The following NEGR1 variants were observed in gnomAD, a reference collection of about 807,000 sequenced individuals.
NEGR1 encodes IgLON family member 4.
A neutral mutation model predicts 40.9 loss-of-function variants in NEGR1; 10 were observed. The ratio of observed to expected loss-of-function variants is 0.24; its 90% CI spans 0.15 to 0.42. The LOEUF (loss-of-function observed/expected upper bound fraction) is 0.42, where lower values mean the gene tolerates loss of function less well. Among genes scored for constraint, NEGR1 ranks in the 10% least tolerant of loss-of-function variants. The pLI, the probability that NEGR1 is intolerant of heterozygous loss-of-function variation, is 1.00. For missense variants in NEGR1, 352 were observed against 438.9 expected (o/e 0.80, Z 1.77); for synonymous variants, 185 against 166.8 (o/e 1.11, Z -0.84).
chr1:72,168,278 A>G (rs1381533945), intron 1 of NEGR1, among the ~76,000 whole-genome samples: 1 of 152,120 alleles, frequency 6.6e-6, no homozygotes, highest in African/African-American at 2.4e-5. Flanking sequence ...TGCTGGGATT[A>G]TAGGCATGAA....
In NEGR1 at chr1:71,527,971, C is replaced by T. The variant is rs188969883; in HGVS notation, c.940+64846G>A. On this transcript the variant is annotated intron_variant, in intron 6 of 6. Transcript: ENST00000357731. ...TTAAATGATGAAAGTTAGACACAAC[C>T]CAATGTAAAGCAAACAGTGTTACGT... 2.9e-3 allele frequency among the ~76,000 whole-genome samples: 435 copies of T among 151,108 alleles called. 3 individuals carry two copies. The highest frequency in any genetic ancestry group is 2.5e-3 in the Non-Finnish European group (169 of 67,440).
At chr1:71,726,947 G>A (rs977043896) in intron 3 of NEGR1, among the ~76,000 whole-genome samples, 53 of 151,990 alleles carry the variant, frequency 3.5e-4, no homozygotes, top group African/African-American at 1.2e-3. Flanking sequence ...GTTACTCTAC[G>A]TGACCTAATA....
At chr1:72,258,483 G>GA (rs1403083714) in intron 1 of NEGR1, among the ~76,000 whole-genome samples, 1 of 152,022 alleles carries the variant, frequency 6.6e-6, no homozygotes, top group African/African-American at 2.4e-5. Context: ...CTGACTTAGA[G>GA]TGAAAAAAGC....
intron 2 of NEGR1, among the ~76,000 whole-genome samples, chr1:71,899,295 G>A (rs2101861300): frequency 6.6e-6 from 1 of 152,016 alleles, no homozygotes; most frequent in Middle Eastern, 3.4e-3. Flanking sequence ...GGTTAGAGTG[G>A]CACTAAACTC....
rs112363882 is a variant in NEGR1 at position 72,110,016 on chromosome 1, A to T, written c.176+172303T>A. 3.2e-3 allele frequency among the ~76,000 whole-genome samples: 490 copies of T among 151,738 alleles called. 3 individuals carry two copies. The highest frequency in any genetic ancestry group is 0.011 in the African/African-American group (470 of 41,488). On this transcript the variant is annotated intron_variant, in intron 1 of 6. Coordinates refer to ENST00000357731, the MANE Select transcript of NEGR1 (RefSeq NM_173808.3). ...TTTCCATTATTTATCCTGATAGGAAAGCAAAGATTTAAAAATGAAAACTTT... is the reference window on the plus strand; with the variant it reads ...TTTCCATTATTTATCCTGATAGGAATGCAAAGATTTAAAAATGAAAACTTT...
chr1:72,259,001 A>G (rs1033725566), intron 1 of NEGR1, among the ~76,000 whole-genome samples: 1 of 152,164 alleles, frequency 6.6e-6, no homozygotes, highest in South Asian at 2.1e-4. Flanking sequence ...AAGGCACCTC[A>G]ATATAAAATA....
rs1265436694 is a variant in NEGR1, at chr1:71,966,881, C to A, written c.177-31570G>T. Among the ~76,000 whole-genome samples, 10 of 152,108 alleles carry A rather than the reference C, an allele frequency of 6.6e-5. No homozygotes were observed. In the East Asian group the frequency reaches 1.7e-3, roughly 27 times the overall value. On this transcript the variant is annotated intron_variant, in intron 1 of 6. Coordinates refer to ENST00000357731, the MANE Select transcript of NEGR1 (RefSeq NM_173808.3). ...GACTCTAGAAAAGTGGCTGATCATGCCCAAAGGACAAGAAAATAAGCAGCT... is the reference window on the plus strand; with the variant it reads ...GACTCTAGAAAAGTGGCTGATCATGACCAAAGGACAAGAAAATAAGCAGCT...
In NEGR1 at chr1:71,401,590, A is replaced by C. The variant is rs548383511; in HGVS notation, c.*5856T>G. ...CTTGTTCTACTGTCCCAGCACAAAC[A>C]GATGTTCATGTTAGTATTTCAATAT... On this transcript the variant is annotated 3_prime_UTR_variant, in exon 7 of 7. Coordinates refer to ENST00000357731, the MANE Select transcript of NEGR1 (RefSeq NM_173808.3). 7.2e-5 allele frequency: 11 copies of C among 152,342 alleles called. No individual in the cohort carries two copies. In the South Asian group the frequency reaches 2.3e-3, roughly 32 times the overall value. 9.4% of individuals were successfully genotyped at this position (152,342 alleles called of 1,614,324 possible).
intron 1 of NEGR1, among the ~76,000 whole-genome samples, chr1:72,115,271 C>G (rs759894875): frequency 6.6e-6 from 1 of 151,610 alleles, no homozygotes; most frequent in Non-Finnish European, 1.5e-5. Context: ...ACCTATTTCT[C>G]CAGATCTATA....
At chr1:71,432,520 G>A (rs886276736) in intron 6 of NEGR1, among the ~76,000 whole-genome samples, 6 of 151,946 alleles carry the variant, frequency 3.9e-5, no homozygotes, top group East Asian at 1.9e-4. Context: ...GGGACTTTTC[G>A]CTTATCTATG....
At chr1:71,581,376 C>T (rs376759584) in intron 6 of NEGR1, among the ~76,000 whole-genome samples, 52 of 152,206 alleles carry the variant, frequency 3.4e-4, no homozygotes, top group Middle Eastern at 6.8e-3. Flanking sequence ...AATGTCGACA[C>T]AAAAAATTGG....
At chr1:71,479,157 G>T (rs1646839425) in intron 6 of NEGR1, among the ~76,000 whole-genome samples, 1 of 151,920 alleles carries the variant, frequency 6.6e-6, no homozygotes, top group African/African-American at 2.4e-5. Context: ...ATAGCATAAA[G>T]AACCTCACCA....
intron 3 of NEGR1, among the ~76,000 whole-genome samples, chr1:71,727,232 T>C (rs1224588760): frequency 1.3e-5 from 2 of 152,170 alleles, no homozygotes; most frequent in African/African-American, 4.8e-5. Flanking sequence ...CTTCTATTTC[T>C]TATAATTTAT....
At chr1:72,179,758 G>A (rs1156391738) in intron 1 of NEGR1, among the ~76,000 whole-genome samples, 1 of 151,706 alleles carries the variant, frequency 6.6e-6, no homozygotes, top group Admixed American at 6.6e-5. Flanking sequence ...TGACCTAACT[G>A]TAAAATAAAT....
intron 1 of NEGR1, among the ~76,000 whole-genome samples, chr1:71,940,291 T>G (rs1303876021): frequency 1.3e-5 from 2 of 152,204 alleles, no homozygotes; most frequent in Non-Finnish European, 2.9e-5. Flanking sequence ...TAGCTTTCCT[T>G]GATAGTGGTT....
At chr1:72,209,124 A>G (rs1254029628) in intron 1 of NEGR1, among the ~76,000 whole-genome samples, 1 of 151,624 alleles carries the variant, frequency 6.6e-6, no homozygotes, top group Non-Finnish European at 1.5e-5. Flanking sequence ...CAAGAGATTT[A>G]GATTTTTTTT....
intron 4 of NEGR1, among the ~76,000 whole-genome samples, chr1:71,615,508 A>G (rs1370904027): frequency 6.6e-6 from 1 of 152,234 alleles, no homozygotes; most frequent in East Asian, 1.9e-4. Flanking sequence ...AAGAAAAAGG[A>G]AAGGCAAAGG....
chr1:71,850,762 T>C (rs1052221737), intron 2 of NEGR1, among the ~76,000 whole-genome samples: 2 of 152,184 alleles, frequency 1.3e-5, no homozygotes, highest in African/African-American at 4.8e-5. Context: ...AGCAATAATG[T>C]ATCTAGGGAA....
intron 4 of NEGR1, among the ~76,000 whole-genome samples, chr1:71,647,312 G>T (rs905583755): frequency 6.6e-6 from 1 of 151,746 alleles, no homozygotes; most frequent in African/African-American, 2.4e-5. Flanking sequence ...CCAGCCCAGG[G>T]GTCCTTAACA....
Sources: allele counts gnomAD v4.1 joint callset (sites outside exome capture counted in the v4.1 genomes callset), GRCh38; gene constraint gnomAD v4.1.1; transcripts MANE v1.5; gene names NCBI Gene and HGNC (gene_info 2026-07-23, HGNC 2026-07-21).